The following MAP3K20 variants were observed in gnomAD, a reference collection of about 807,000 sequenced individuals.
The protein encoded by MAP3K20 is mitogen-activated protein kinase kinase kinase 20, also known as HCCS-4.
MAP3K20 carries 40 observed loss-of-function variants against 85.7 expected under a neutral mutation model. The ratio of observed to expected loss-of-function variants is 0.47; its 90% CI spans 0.36 to 0.61. The LOEUF (loss-of-function observed/expected upper bound fraction) is 0.61, where lower values mean the gene tolerates loss of function less well. Ranked by LOEUF, MAP3K20 falls within the 20% of genes least tolerant of loss-of-function variation. The pLI is 0.00. For synonymous variants in MAP3K20, 325 were observed against 327.7 expected (o/e 0.99, Z 0.09); for missense variants, 817 against 961.7 (o/e 0.85, Z 1.99).
chr2:173,128,511 T>C (rs925660274), intron 2 of MAP3K20, among the ~76,000 whole-genome samples: 4 of 151,966 alleles, frequency 2.6e-5, no homozygotes, highest in Non-Finnish European at 5.9e-5. Context: ...TTTGTATTTT[T>C]AGTAGAGAGG....
At chr2:173,257,607 T>C (rs986290903) in intron 16 of MAP3K20, among the ~76,000 whole-genome samples, 1 of 152,240 alleles carries the variant, frequency 6.6e-6, no homozygotes, top group African/African-American at 2.4e-5. Context: ...CTAGTCAACA[T>C]GATAAAGCTG....
intron 9 of MAP3K20, among the ~76,000 whole-genome samples, chr2:173,206,392 T>C (rs961954036): frequency 2.6e-5 from 4 of 152,216 alleles, no homozygotes; most frequent in African/African-American, 9.6e-5. Flanking sequence ...TTAAGATTGA[T>C]TTTTATTTTC....
intron 2 of MAP3K20, among the ~76,000 whole-genome samples, chr2:173,106,160 C>G (rs760644136): frequency 1.3e-4 from 20 of 152,082 alleles, no homozygotes; most frequent in Non-Finnish European, 2.1e-4. Context: ...CATAACACAC[C>G]CAGTTTTTTA....
intron 9 of MAP3K20, among the ~76,000 whole-genome samples, chr2:173,205,102 CAAAAAAAA>C (rs1191556180): frequency 2.8e-4 from 15 of 54,014 alleles, no homozygotes; most frequent in Non-Finnish European, 4.8e-4. Context: ...GACTCTGTCT[CAAAAAAAA>C]AAAAAAAAAA....
intron 11 of MAP3K20, chr2:173,225,159 G>A (rs1355755336): frequency 5.1e-6 from 5 of 984,396 alleles, no homozygotes; most frequent in Non-Finnish European, 6.0e-6. Context: ...AACTGGGGCG[G>A]TGCTGTCACC....
intron 2 of MAP3K20, among the ~76,000 whole-genome samples, chr2:173,138,871 A>G (rs2106210635): frequency 6.6e-6 from 1 of 152,376 alleles, no homozygotes; most frequent in African/African-American, 2.4e-5. Context: ...AGCTAGGGCC[A>G]TAGTACCACA....
chr2:173,237,759 A>C (rs1002852695), intron 14 of MAP3K20, among the ~76,000 whole-genome samples: 26 of 152,198 alleles, frequency 1.7e-4, no homozygotes, highest in African/African-American at 6.3e-4. Flanking sequence ...TGCTTTGCTC[A>C]CTGTTATTCA....
chr2:173,177,135 T>G (rs185943981), intron 3 of MAP3K20, among the ~76,000 whole-genome samples: 29 of 152,256 alleles, frequency 1.9e-4, no homozygotes, highest in African/African-American at 6.7e-4. Context: ...ATAGAACAGC[T>G]AGACAGAAAA....
intron 2 of MAP3K20, among the ~76,000 whole-genome samples, chr2:173,141,078 A>G (rs962844647): frequency 6.6e-6 from 1 of 152,188 alleles, no homozygotes; most frequent in Admixed American, 6.5e-5. Context: ...TCACCTCGCA[A>G]CTTACTTTTT....
At position 173,201,795 on chromosome 2, in the gene MAP3K20, C is replaced by T. The variant is rs1691071408; in HGVS notation, c.670-2001C>T. Among the ~76,000 whole-genome samples the T allele has an allele frequency of 2.0e-5, 3 of 152,182 alleles. No homozygotes were observed. The South Asian group carries it at 6.2e-4, about 32-fold the overall frequency. The stretch of plus-strand genomic sequence containing the variant: ...AATTCTATTTTAAAGTACTTTTTAA[C>T]GCACCAAAATAATCCATTGCATAAA... On this transcript the variant is annotated intron_variant, in intron 8 of 19. Transcript: ENST00000375213.
In MAP3K20 at chr2:173,259,010, G is replaced by A. The variant is rs536716500; in HGVS notation, c.1476+195G>A. On this transcript the variant is annotated intron_variant, in intron 17 of 19. Coordinates refer to ENST00000375213, the MANE Select transcript of MAP3K20 (RefSeq NM_016653.3). ...TTTTTGTTAAAATTCTACTTATGCT[G>A]TGTGAACTAAAAAGCACTGCAAAAA... 1.3e-4 allele frequency among the ~76,000 whole-genome samples: 20 copies of A among 152,254 alleles called. No homozygotes were observed. The East Asian group carries it at 1.3e-3, about 10-fold the overall frequency.
chr2:173,239,575 A>G, intron 16 of MAP3K20, 79 bp downstream of exon 16: 1 of 1,267,976 alleles, frequency 7.9e-7, no homozygotes, highest in African/African-American at 1.5e-5. Context: ...ATGGTTTTAT[A>G]CACCCCCTAC....
rs942903019 is a variant in MAP3K20 at position 173,232,557 on chromosome 2, G to A, written c.1203+98G>A. 1.9e-5 allele frequency: 29 copies of A among 1,532,498 alleles called. No homozygotes were observed. The South Asian group carries it at 3.5e-4, about 18-fold the overall frequency. The allele number at this position is 1,532,498 out of a possible 1,614,324, so 94.9% of individuals were successfully genotyped here. A position where few individuals can be genotyped will look rare whatever the true frequency, so the allele number is the denominator to read the frequency against. Reference sequence around the variant, plus strand: ...CTTGCTCTGTTGCCCAGGCTGGAGTGCAAAGGCACAATCTTGGCTCGTTGC... The same window carrying A: ...CTTGCTCTGTTGCCCAGGCTGGAGTACAAAGGCACAATCTTGGCTCGTTGC... On this transcript the variant is annotated intron_variant, in intron 14 of 19. Coordinates refer to ENST00000375213, the MANE Select transcript of MAP3K20 (RefSeq NM_016653.3).
chr2:173,131,768 C>T (rs1452654835), intron 2 of MAP3K20, among the ~76,000 whole-genome samples: 1 of 152,150 alleles, frequency 6.6e-6, no homozygotes, highest in Admixed American at 6.5e-5. Flanking sequence ...TTGTGAACCT[C>T]AGGTTGCCTT....
intron 3 of MAP3K20, among the ~76,000 whole-genome samples, chr2:173,175,662 C>T (rs1690132401): frequency 6.6e-6 from 1 of 152,152 alleles, no homozygotes; most frequent in Non-Finnish European, 1.5e-5. Flanking sequence ...CAGTTCTCTA[C>T]TGTTTTATCA....
At chr2:173,188,819 A>C (rs1295695442) in intron 5 of MAP3K20, among the ~76,000 whole-genome samples, 1 of 152,238 alleles carries the variant, frequency 6.6e-6, no homozygotes, top group East Asian at 1.9e-4. Flanking sequence ...GGAAGTCATT[A>C]GGAAATAATC....
chr2:173,160,585 A>G (rs1209761344), intron 2 of MAP3K20, among the ~76,000 whole-genome samples: 2 of 152,198 alleles, frequency 1.3e-5, no homozygotes, highest in East Asian at 3.8e-4. Flanking sequence ...CGTTTTCTTT[A>G]TAATCAGAGC....
chr2:173,111,890 A>G lies in MAP3K20; in HGVS notation c.159+20700A>G, dbSNP rs1188317404. Among the ~76,000 whole-genome samples, 7 of 151,362 alleles carry G rather than the reference A, an allele frequency of 4.6e-5. No homozygotes were observed. In the East Asian group the frequency reaches 7.7e-4, roughly 17 times the overall value. On this transcript the variant is annotated intron_variant, in intron 2 of 19. Transcript: ENST00000375213. ...CCAGATTTATTCTTTTTGCTTAGCT[A>G]TGCATGCTCTTTTTTGGTTTCATGT...
chr2:173,134,393 C>CATATATATATAT (rs1162728873), intron 2 of MAP3K20, among the ~76,000 whole-genome samples: 4 of 12,334 alleles, frequency 3.2e-4, no homozygotes, highest in African/African-American at 6.8e-4. Context: ...TGTCTCTATA[C>CATATATATATAT]ATATATATAT....
Sources: gnomAD v4.1 joint callset for allele counts (sites outside exome capture counted in the v4.1 genomes callset) on GRCh38, gnomAD v4.1.1 for gene constraint, MANE v1.5 for transcripts, NCBI Gene and HGNC (gene_info 2026-07-23, HGNC 2026-07-21) for gene names.